Variants in RASD2 observed in about 807,000 individuals in gnomAD.
RASD2 encodes the protein GTP-binding protein Rhes.
RASD2 carries 7 observed loss-of-function variants against 15.8 expected under a neutral mutation model. The observed-to-expected ratio is 0.44, with a 90% confidence interval of 0.25 to 0.83. RASD2 has a LOEUF of 0.83. Ranked by LOEUF, RASD2 falls within the 40% of genes least tolerant of loss-of-function variation. The pLI, the probability that RASD2 is intolerant of heterozygous loss-of-function variation, is 0.20. For missense variants in RASD2, 274 were observed against 382.8 expected (o/e 0.72, Z 2.37); for synonymous variants, 155 against 153.6 (o/e 1.01, Z -0.07).
intron 2 of RASD2, among the ~76,000 whole-genome samples, chr22:35,547,696 C>T (rs1396323399): frequency 6.6e-6 from 1 of 152,156 alleles, no homozygotes; most frequent in East Asian, 1.9e-4. Context: ...CTCACTGCAA[C>T]CTCTGCCTCC....
chr22:35,540,006 C>T (rs1424805499), upstream of RASD2, among the ~76,000 whole-genome samples: 2 of 152,232 alleles, frequency 1.3e-5, no homozygotes, highest in African/African-American at 4.8e-5. Flanking sequence ...ACTCCCCGCC[C>T]CTCTGGGCGA....
At position 35,541,054 on chromosome 22, in the gene RASD2, C is replaced by T. The variant is rs1362486272; in HGVS notation, c.-456C>T. 6.6e-6 allele frequency: 1 copy of T among 152,384 alleles called. No individual in the cohort carries two copies. Among genetic ancestry groups the T allele is most frequent in the Non-Finnish European group, 1.5e-5 (1 of 68,224 alleles). The allele number at this position is 152,384 out of a possible 1,614,324, so 9.4% of individuals were successfully genotyped here. On this transcript the variant is annotated 5_prime_UTR_variant, in exon 1 of 3. Transcript: ENST00000216127. ...CACCTGGGACACGCACCCACAGTCA[C>T]CTCCAAAGGACCCCCCCTCCCCAAG...
intron 2 of RASD2, among the ~76,000 whole-genome samples, chr22:35,549,537 A>G (rs1934603753): frequency 6.6e-6 from 1 of 152,158 alleles, no homozygotes; most frequent in African/African-American, 2.4e-5. Flanking sequence ...GGATTAGCCT[A>G]ACGGGATGGG....
At chr22:35,550,984 C>CA in intron 2 of RASD2, among the ~76,000 whole-genome samples, 1 of 152,164 alleles carries the variant, frequency 6.6e-6, no homozygotes. Context: ...GCATAACTCC[C>CA]AAAATCATCC....
chr22:35,540,528 G>A (rs1601809198), upstream of RASD2, among the ~76,000 whole-genome samples: 1 of 151,270 alleles, frequency 6.6e-6, no homozygotes, highest in East Asian at 1.9e-4. Flanking sequence ...GGCGCGGCTC[G>A]CGGGGGGCCG....
upstream of RASD2, among the ~76,000 whole-genome samples, chr22:35,539,276 T>A (rs1296550811): frequency 6.6e-6 from 1 of 152,122 alleles, no homozygotes; most frequent in Non-Finnish European, 1.5e-5. Flanking sequence ...GGGTCAGATA[T>A]CTAGGTAGTT....
At chr22:35,538,341 A>G (rs1169619995), upstream of RASD2, among the ~76,000 whole-genome samples, 1 of 151,972 alleles carries the variant, frequency 6.6e-6, no homozygotes, top group Non-Finnish European at 1.5e-5. Context: ...GTTTTAGAAC[A>G]GGGCTAAAAT....
Position 35,552,132 on chromosome 22 carries a change from G to C in RASD2, c.*100G>C. The C allele has an allele frequency of 7.0e-7, 1 of 1,434,346 alleles. No individual in the cohort carries two copies. Among genetic ancestry groups the C allele is most frequent in the Non-Finnish European group, 9.3e-7 (1 of 1,073,626 alleles). The allele number at this position is 1,434,346 out of a possible 1,614,324, so 88.9% of individuals were successfully genotyped here. A position where few individuals can be genotyped will look rare whatever the true frequency, so the allele number is the denominator to read the frequency against. ...CCACCGAGGCCCCGGCAGCAGTCTT[G>C]TTCACAGACCTTAGGCACCAGACTG... On this transcript the variant is annotated 3_prime_UTR_variant, in exon 3 of 3. Transcript: ENST00000216127.
At chr22:35,548,770 C>T (rs1461684951) in intron 2 of RASD2, among the ~76,000 whole-genome samples, 3 of 152,230 alleles carry the variant, frequency 2.0e-5, no homozygotes, top group Non-Finnish European at 2.9e-5. Flanking sequence ...GTGTTCGAAT[C>T]CTTGCTGGGC....
At chr22:35,548,607 G>A (rs893001075) in intron 2 of RASD2, among the ~76,000 whole-genome samples, 14 of 152,334 alleles carry the variant, frequency 9.2e-5, no homozygotes, top group African/African-American at 3.4e-4. Context: ...CCGCCTTGAG[G>A]CCAAGACTGA....
Position 35,547,212 on chromosome 22 carries a change from C to G in RASD2, c.271+132C>G. ...CAGGCGTCATCCCTGCACAATGAGG[C>G]TCAGAGAGGTTTTGCCATGTGCTGG... On this transcript the variant is annotated intron_variant, in intron 2 of 2. Transcript: ENST00000216127. The G allele has an allele frequency of 5.0e-6, 6 of 1,202,600 alleles. No individual in the cohort carries two copies. The South Asian group carries it at 9.0e-5, about 18-fold the overall frequency. The allele number at this position is 1,202,600 out of a possible 1,614,324, so 74.5% of individuals were successfully genotyped here.
rs146674043 is a variant in RASD2, at chr22:35,546,353, G to T, written c.-9-448G>T. The stretch of plus-strand genomic sequence containing the variant: ...TCTTATCCTAGAATCACAGGCTCCG[G>T]GAAAGCCAGATGGATGAACCAGGGA... On this transcript the variant is annotated intron_variant, in intron 1 of 2. Coordinates refer to ENST00000216127, the MANE Select transcript of RASD2 (RefSeq NM_014310.4). Among the ~76,000 whole-genome samples, 466 of 152,266 alleles carry T rather than the reference G, an allele frequency of 3.1e-3. 4 individuals are homozygous for T. The highest frequency in any genetic ancestry group is 0.011 in the African/African-American group (450 of 41,544).
At chr22:35,548,450 C>A (rs558344771) in intron 2 of RASD2, among the ~76,000 whole-genome samples, 1 of 152,346 alleles carries the variant, frequency 6.6e-6, no homozygotes, top group South Asian at 2.1e-4. Flanking sequence ...CTACGGGTTA[C>A]ACGATCATTT....
chr22:35,536,326 C>CTTTT (rs559627212), upstream of RASD2, among the ~76,000 whole-genome samples: 3 of 140,238 alleles, frequency 2.1e-5, no homozygotes, highest in Admixed American at 7.2e-5. Context: ...CAAACCGTCT[C>CTTTT]TTTTTTTTTT....
chr22:35,535,947 T>G (rs1286376655), upstream of RASD2, among the ~76,000 whole-genome samples: 1 of 152,216 alleles, frequency 6.6e-6, no homozygotes, highest in East Asian at 1.9e-4. Context: ...AATGGTCAGA[T>G]GCACCGGGGG....
chr22:35,549,317 G>T (rs1410847837), intron 2 of RASD2, among the ~76,000 whole-genome samples: 1 of 150,882 alleles, frequency 6.6e-6, no homozygotes, highest in Non-Finnish European at 1.5e-5. Flanking sequence ...TCTGATGCTT[G>T]TTTTTTTTTC....
chr22:35,538,268 A>T (rs1309856003), upstream of RASD2, among the ~76,000 whole-genome samples: 1 of 152,272 alleles, frequency 6.6e-6, no homozygotes, highest in East Asian at 1.9e-4. Flanking sequence ...CACCACACCC[A>T]GCCCAAGATT....
At chr22:35,533,024 C>T in the RASD2 span, among the ~76,000 whole-genome samples, 2 of 152,162 alleles carry the variant, frequency 1.3e-5, no homozygotes, top group Admixed American at 6.5e-5. Context: ...CCTGTCTGAG[C>T]CTCAGTCTCC....
chr22:35,542,890 G>A (rs1482443238), intron 1 of RASD2, among the ~76,000 whole-genome samples: 2 of 152,266 alleles, frequency 1.3e-5, no homozygotes, highest in South Asian at 4.2e-4. Flanking sequence ...CCCCCTTTCC[G>A]CTCCGCTGCC....
Sources: gnomAD v4.1 joint callset for allele counts (sites outside exome capture counted in the v4.1 genomes callset) on GRCh38, gnomAD v4.1.1 for gene constraint, MANE v1.5 for transcripts, NCBI Gene and HGNC (gene_info 2026-07-23, HGNC 2026-07-21) for gene names.